The following BRSK1 variants were observed in gnomAD, a reference collection of about 807,000 sequenced individuals.
The protein encoded by BRSK1 is serine/threonine-protein kinase BRSK1.
A neutral mutation model predicts 86.2 loss-of-function variants in BRSK1; 17 were observed. The ratio of observed to expected loss-of-function variants is 0.20; its 90% CI spans 0.14 to 0.30. The LOEUF is 0.30. BRSK1 is among the 10% of genes least tolerant of loss of function. The probability of loss-of-function intolerance (pLI) is 1.00; values close to 1 mark genes in which losing one functional copy is unlikely to be tolerated. For synonymous variants in BRSK1, 464 were observed against 440.1 expected, an observed-to-expected ratio of 1.05 and a Z score of -0.68; for missense variants, 719 against 1,071.9, an observed-to-expected ratio of 0.67 and a Z score of 4.60.
chr19:55,289,716 G>A (rs141332482), intron 4 of BRSK1, 96 bp downstream of exon 4: 49 of 1,478,874 alleles, frequency 3.3e-5, no homozygotes, highest in Middle Eastern at 4.1e-4. Flanking sequence ...CCATGTGGTC[G>A]GCCCCCAAAC....
chr19:55,307,491 G>A (rs1223840357), intron 17 of BRSK1, among the ~76,000 whole-genome samples: 1 of 146,736 alleles, frequency 6.8e-6, no homozygotes, highest in East Asian at 2.0e-4. Context: ...AGAGGTTGCA[G>A]TGAGCCAAGA....
In BRSK1 at chr19:55,304,655, G is replaced by A. The variant is rs2088621198; in HGVS notation, c.1452G>A (p.Arg484=). The change falls in exon 14 of 19, where the codon AGG becomes AGA. Residue 484 remains arginine (R), a synonymous_variant. Transcript: ENST00000309383. This position sits in a 1 kb window ranked among gnomAD's most constrained non-coding sequence, Gnocchi z 5.2. ...KTQTLPSRGP[R]GGGAGEQPPP... is the part of the protein sequence containing the mutation. The stretch of plus-strand genomic sequence containing the variant: ...AGACGCTGCCTTCTCGGGGCCCCAG[G>A]GGTGGGGGCGCCGGGGAGCAGCCCC... The A allele has an allele frequency of 2.0e-6, 3 of 1,506,296 alleles. No individual in the cohort carries two copies. Among genetic ancestry groups the A allele is most frequent in the Non-Finnish European group, 1.8e-6 (2 of 1,133,304 alleles). The allele number at this position is 1,506,296 out of a possible 1,614,324, so 93.3% of individuals were successfully genotyped here. A position where few individuals can be genotyped will look rare whatever the true frequency, so the allele number is the denominator to read the frequency against.
chr19:55,290,711 G>A (rs1038647638), intron 4 of BRSK1, among the ~76,000 whole-genome samples: 122 of 151,222 alleles, frequency 8.1e-4, no homozygotes, highest in African/African-American at 2.8e-3. Flanking sequence ...GCGCGATCTC[G>A]GCTCACTGCA....
At position 55,294,159 on chromosome 19, in the gene BRSK1, C is replaced by T. The variant is rs774369769; in HGVS notation, c.575+26C>T. ...GTGAGTGGGGACTGGGCTCCCGAGA[C>T]CCTGGGCAGGGGTTTAGAAGCTGGC... On this transcript the variant is annotated intron_variant, in intron 5 of 18. Coordinates refer to ENST00000309383, the MANE Select transcript of BRSK1 (RefSeq NM_032430.2). The surrounding 1 kb of genome is among the most constrained non-coding windows in gnomAD (Gnocchi z 4.9). 1.2e-6 allele frequency: 2 copies of T among 1,611,280 alleles called. No homozygotes were observed. Among genetic ancestry groups the T allele is most frequent in the South Asian group, 1.1e-5 (1 of 90,854 alleles).
chr19:55,303,081 A>G lies in BRSK1; in HGVS notation c.1028+214A>G, dbSNP rs2088596178. On this transcript the variant is annotated intron_variant, in intron 10 of 18. Transcript: ENST00000309383. This position sits in a 1 kb window ranked among gnomAD's most constrained non-coding sequence, Gnocchi z 5.1. ...GCTGCGACATAGTACTTACATATAC[A>G]TAGTACTTACAAATAGTTCTTGCCT... 2 of 648,736 alleles carry G rather than the reference A, an allele frequency of 3.1e-6. No homozygotes were observed. The highest frequency in any genetic ancestry group is 2.0e-5 in the South Asian group (1 of 49,898). 40.2% of individuals were successfully genotyped at this position (648,736 alleles called of 1,614,324 possible).
Position 55,306,151 on chromosome 19 carries a change from C to T in BRSK1, c.1891-101C>T. On this transcript the variant is annotated intron_variant, in intron 16 of 18. Coordinates refer to ENST00000309383, the MANE Select transcript of BRSK1 (RefSeq NM_032430.2). This position sits in a 1 kb window ranked among gnomAD's most constrained non-coding sequence, Gnocchi z 4.7. ...ATGCATTTCCTGTCCTTCTTTCCCT[C>T]CAGTGGCTCATGGGACTCGTAGTTC... 8.5e-7 allele frequency: 1 copy of T among 1,182,458 alleles called. No homozygotes were observed. The highest frequency in any genetic ancestry group is 1.2e-6 in the Non-Finnish European group (1 of 830,170). 73.2% of individuals were successfully genotyped at this position (1,182,458 alleles called of 1,614,324 possible). A position where few individuals can be genotyped will look rare whatever the true frequency, so the allele number is the denominator to read the frequency against.
Position 55,287,134 on chromosome 19 carries a change from G to C in BRSK1, c.231+33G>C, listed in dbSNP as rs376192653. The stretch of plus-strand genomic sequence containing the variant: ...CGCCTGCTGCAGTGTGCCTGCGGGT[G>C]GGGGGGCCTCCGGGGCTGAGGGCAG... On this transcript the variant is annotated intron_variant, in intron 2 of 18. Transcript: ENST00000309383. This position sits in a 1 kb window ranked among gnomAD's most constrained non-coding sequence, Gnocchi z 5.3. The C allele has an allele frequency of 8.7e-6, 14 of 1,610,656 alleles. No homozygotes were observed. Among genetic ancestry groups the C allele is most frequent in the East Asian group, 6.7e-5 (3 of 44,836 alleles).
At chr19:55,288,250 A>G (rs2088350082) in intron 3 of BRSK1, among the ~76,000 whole-genome samples, 1 of 151,994 alleles carries the variant, frequency 6.6e-6, no homozygotes, top group Non-Finnish European at 1.5e-5. Flanking sequence ...GGAGGCCAAG[A>G]TGGGCGGATT....
chr19:55,293,745 G>T (rs986194314), intron 4 of BRSK1, among the ~76,000 whole-genome samples: 1 of 152,028 alleles, frequency 6.6e-6, no homozygotes, highest in Non-Finnish European at 1.5e-5. Context: ...AGGAGACAGA[G>T]GTTGCAGTGA....
chr19:55,293,238 G>A (rs1305532072), intron 4 of BRSK1, among the ~76,000 whole-genome samples: 2 of 152,092 alleles, frequency 1.3e-5, no homozygotes, highest in Non-Finnish European at 1.5e-5. Flanking sequence ...GCTCATGCCT[G>A]TAATCCCAGG....
chr19:55,284,693 C>A, intron 1 of BRSK1, 115 bp downstream of exon 1: 2 of 923,598 alleles, frequency 2.2e-6, no homozygotes, highest in Non-Finnish European at 1.4e-6. Flanking sequence ...CTGGGCCCCT[C>A]ATAGAGAAGG....
In BRSK1 at chr19:55,304,520, C is replaced by T; in HGVS notation, c.1348-31C>T. 3 of 1,518,058 alleles carry T rather than the reference C, an allele frequency of 2.0e-6. No individual in the cohort carries two copies. Among genetic ancestry groups the T allele is most frequent in the East Asian group, 2.3e-5 (1 of 42,782 alleles). 94.0% of individuals were successfully genotyped at this position (1,518,058 alleles called of 1,614,324 possible). A position where few individuals can be genotyped will look rare whatever the true frequency, so the allele number is the denominator to read the frequency against. ...AGAGCCTCCTGGGAGTTGTAGTCCA[C>T]TCGCTTATCTCAGTCTCCTGTCCTC... is the stretch of plus-strand genomic sequence containing the variant. On this transcript the variant is annotated intron_variant, in intron 13 of 18. Coordinates refer to ENST00000309383, the MANE Select transcript of BRSK1 (RefSeq NM_032430.2). The surrounding 1 kb of genome is among the most constrained non-coding windows in gnomAD (Gnocchi z 5.2).
Position 55,304,683 on chromosome 19 carries a change from C to G in BRSK1, c.1480C>G (p.Pro494Ala). 4.7e-6 allele frequency: 7 copies of G among 1,480,402 alleles called. No individual in the cohort carries two copies. The highest frequency in any genetic ancestry group is 6.2e-6 in the Non-Finnish European group (7 of 1,123,702). 91.7% of individuals were successfully genotyped at this position (1,480,402 alleles called of 1,614,324 possible). Reference sequence around the variant, plus strand: ...TGGGGGCGCCGGGGAGCAGCCCCCGCCCCCCAGTGCCCGCTCCACACCCCT... The same window carrying G: ...TGGGGGCGCCGGGGAGCAGCCCCCGGCCCCCAGTGCCCGCTCCACACCCCT... ...RGGGAGEQPP[P>A]PSARSTPLPG... Residue 494 changes from proline (P) to alanine (A), a missense_variant, in exon 14 of 19, where the codon CCC becomes GCC. Pro to Ala is a conservative substitution (Grantham distance 27). Around this residue, in one of 6 missense-constraint regions of BRSK1, gnomAD observed 143 missense variants for 120.1 expected, o/e 1.19. Coordinates refer to ENST00000309383, the MANE Select transcript of BRSK1 (RefSeq NM_032430.2). This position sits in a 1 kb window ranked among gnomAD's most constrained non-coding sequence, Gnocchi z 5.2.
chr19:55,299,387 T>C (rs2432237), intron 7 of BRSK1, among the ~76,000 whole-genome samples: 1 of 149,294 alleles, frequency 6.7e-6, no homozygotes, highest in Non-Finnish European at 1.5e-5. Context: ...TTTTTTGTTT[T>C]GTTTTTTGTT....
chr19:55,298,877 G>A (rs1049691178), intron 7 of BRSK1, among the ~76,000 whole-genome samples: 4 of 152,210 alleles, frequency 2.6e-5, no homozygotes, highest in Non-Finnish European at 5.9e-5. Flanking sequence ...GGCATGCTTT[G>A]TTCAGGAATG....
chr19:55,294,448 G>GGATT lies in BRSK1; in HGVS notation c.678+53_678+54insTTGA. The GGATT allele has an allele frequency of 5.0e-6, 8 of 1,592,770 alleles. No homozygotes were observed. Among genetic ancestry groups the GGATT allele is most frequent in the Non-Finnish European group, 6.9e-6 (8 of 1,165,574 alleles). On this transcript the variant is annotated intron_variant, in intron 7 of 18. Coordinates refer to ENST00000309383, the MANE Select transcript of BRSK1 (RefSeq NM_032430.2). The surrounding 1 kb of genome is among the most constrained non-coding windows in gnomAD (Gnocchi z 4.9). The stretch of plus-strand genomic sequence containing the variant: ...ATTTCTAGATCAATCCCACCTGGTG[G>GGATT]GAGCATAGGACAGTACCTTCCATCC...
At chr19:55,295,281 C>T (rs1037574041) in intron 7 of BRSK1, among the ~76,000 whole-genome samples, 1 of 152,006 alleles carries the variant, frequency 6.6e-6, no homozygotes, top group African/African-American at 2.4e-5. Flanking sequence ...TGCCAACACG[C>T]CCAGCTAATT....
At chr19:55,305,273 G>T in intron 14 of BRSK1, 48 bp from the exon 15 acceptor site, 1 of 1,609,324 alleles carries the variant, frequency 6.2e-7, no homozygotes, top group East Asian at 2.2e-5. Context: ...GCTGGCAACT[G>T]GGATGATGCA....
intron 4 of BRSK1, among the ~76,000 whole-genome samples, chr19:55,293,364 T>C (rs2088436755): frequency 6.6e-6 from 1 of 151,840 alleles, no homozygotes; most frequent in Admixed American, 6.6e-5. Context: ...TAGCTGGGTG[T>C]GGTGGCACAT....
Sources: allele counts gnomAD v4.1 joint callset (sites outside exome capture counted in the v4.1 genomes callset), GRCh38; gene constraint gnomAD v4.1.1; regional missense constraint gnomAD v4.1.1; non-coding constraint Gnocchi (gnomAD v3.1); transcripts MANE v1.5; gene names NCBI Gene and HGNC (gene_info 2026-07-23, HGNC 2026-07-21).